Variants in PLCB1 observed in about 807,000 individuals in gnomAD.
The protein encoded by PLCB1 is phospholipase C beta 1, also known as 1-phosphatidylinositol 4,5-bisphosphate phosphodiesterase beta-1.
In PLCB1, 46 loss-of-function variants were observed where a neutral mutation model predicts 161.8. That is an observed-to-expected ratio of 0.28 (90% CI 0.22 to 0.36). The LOEUF (loss-of-function observed/expected upper bound fraction) is 0.36. Ranked by LOEUF, PLCB1 falls within the 10% of genes least tolerant of loss-of-function variation. The pLI is 1.00. For synonymous variants in PLCB1, 517 were observed against 503.7 expected, an observed-to-expected ratio of 1.03 and a Z score of -0.35; for missense variants, 1,016 against 1,472.5, an observed-to-expected ratio of 0.69 and a Z score of 5.07.
chr20:8,490,914 A>C (rs1982921181), intron 3 of PLCB1, among the ~76,000 whole-genome samples: 1 of 151,266 alleles, frequency 6.6e-6, no homozygotes, highest in Non-Finnish European at 1.5e-5. Context: ...ATATGTGTAC[A>C]TATATATTAG....
At chr20:8,467,131 G>A (rs1981858299) in intron 3 of PLCB1, among the ~76,000 whole-genome samples, 1 of 151,872 alleles carries the variant, frequency 6.6e-6, no homozygotes, top group Non-Finnish European at 1.5e-5. Flanking sequence ...AGTAGAGATG[G>A]GGTTTCACTA....
chr20:8,292,272 T>G (rs1983418434), intron 2 of PLCB1, among the ~76,000 whole-genome samples: 5 of 152,118 alleles, frequency 3.3e-5, no homozygotes, highest in Admixed American at 3.3e-4. Flanking sequence ...AGTTGATTCC[T>G]TTCTAGTTAC....
At chr20:8,537,921 A>T (rs923597427) in intron 3 of PLCB1, among the ~76,000 whole-genome samples, 1 of 152,250 alleles carries the variant, frequency 6.6e-6, no homozygotes, top group African/African-American at 2.4e-5. Context: ...GTCCCGAGCT[A>T]AAAAGACTAC....
At chr20:8,334,086 G>A (rs553076513) in intron 2 of PLCB1, among the ~76,000 whole-genome samples, 21 of 152,262 alleles carry the variant, frequency 1.4e-4, no homozygotes, top group African/African-American at 4.6e-4. Flanking sequence ...GTGCATGCCT[G>A]TAATCCCAGC....
At chr20:8,350,015 T>C (rs562962644) in intron 2 of PLCB1, among the ~76,000 whole-genome samples, 2 of 152,310 alleles carry the variant, frequency 1.3e-5, no homozygotes, top group Non-Finnish European at 2.9e-5. Flanking sequence ...CAAGATGCAA[T>C]ATCAATGTAC....
At chr20:8,742,852 G>A (rs1005498717) in intron 23 of PLCB1, among the ~76,000 whole-genome samples, 8 of 152,066 alleles carry the variant, frequency 5.3e-5, no homozygotes, top group African/African-American at 9.7e-5. Context: ...TATATGTTAC[G>A]GGGTGCATTT....
chr20:8,436,386 A>G (rs1257015949), intron 3 of PLCB1, among the ~76,000 whole-genome samples: 1 of 151,838 alleles, frequency 6.6e-6, no homozygotes, highest in Non-Finnish European at 1.5e-5. Context: ...TATTTTGAGC[A>G]ATGACTATTT....
chr20:8,374,038 T>C (rs139805116), intron 3 of PLCB1, among the ~76,000 whole-genome samples: 9 of 152,308 alleles, frequency 5.9e-5, no homozygotes, highest in African/African-American at 2.2e-4. Context: ...TGCCTCTTTT[T>C]TTCATCAGTA....
At chr20:8,261,129 G>T (rs1288782026) in intron 2 of PLCB1, among the ~76,000 whole-genome samples, 2 of 152,050 alleles carry the variant, frequency 1.3e-5, no homozygotes, top group Non-Finnish European at 2.9e-5. Context: ...TGCTTCTCTT[G>T]ATCTTTTAGA....
intron 18 of PLCB1, among the ~76,000 whole-genome samples, chr20:8,732,906 T>C (rs1361704433): frequency 2.0e-5 from 3 of 147,622 alleles, no homozygotes; most frequent in Non-Finnish European, 4.5e-5. Flanking sequence ...ATTATACAAA[T>C]ATATTATTCT....
intron 1 of PLCB1, among the ~76,000 whole-genome samples, chr20:8,149,208 C>A (rs1044657548): frequency 6.6e-6 from 1 of 151,868 alleles, no homozygotes; most frequent in Non-Finnish European, 1.5e-5. Flanking sequence ...GATGCTTTAC[C>A]CCAAATTATC....
At chr20:8,725,287 A>G (rs1052508155) in intron 16 of PLCB1, among the ~76,000 whole-genome samples, 1 of 152,172 alleles carries the variant, frequency 6.6e-6, no homozygotes, top group African/African-American at 2.4e-5. Flanking sequence ...TTATTCAACT[A>G]TACATCCATA....
intron 2 of PLCB1, among the ~76,000 whole-genome samples, chr20:8,211,789 A>C (rs998748914): frequency 2.0e-5 from 3 of 152,114 alleles, no homozygotes; most frequent in African/African-American, 7.2e-5. Context: ...AGATTGCAAA[A>C]TCTCCCAGTG....
intron 3 of PLCB1, among the ~76,000 whole-genome samples, chr20:8,379,511 C>T (rs1987198309): frequency 6.6e-6 from 1 of 152,156 alleles, no homozygotes; most frequent in South Asian, 2.1e-4. Context: ...GTTCTAGATC[C>T]ATGAGGAATC....
chr20:8,218,977 A>G (rs1194047565), intron 2 of PLCB1, among the ~76,000 whole-genome samples: 1 of 152,196 alleles, frequency 6.6e-6, no homozygotes, highest in Non-Finnish European at 1.5e-5. Context: ...GATTTCCAGG[A>G]CTGTGACTGC....
At chr20:8,602,781 G>A (rs1987631456) in intron 3 of PLCB1, among the ~76,000 whole-genome samples, 3 of 152,170 alleles carry the variant, frequency 2.0e-5, no homozygotes, top group Admixed American at 2.0e-4. Context: ...AATTTCTGTG[G>A]CTTATGAAAG....
chr20:8,278,977 T>TAAAAAAAA (rs1568615549), intron 2 of PLCB1, among the ~76,000 whole-genome samples: 29 of 148,470 alleles, frequency 2.0e-4, no homozygotes, highest in African/African-American at 6.8e-4. Flanking sequence ...ACAGTGTTTT[T>TAAAAAAAA]TAAAAAAAAA....
At chr20:8,452,701 T>G (rs867850571) in intron 3 of PLCB1, among the ~76,000 whole-genome samples, 2 of 152,262 alleles carry the variant, frequency 1.3e-5, no homozygotes, top group South Asian at 2.1e-4. Context: ...TCCAAAGAGA[T>G]GAGTACAGAA....
chr20:8,366,495 C>T (rs1986714876), intron 2 of PLCB1, among the ~76,000 whole-genome samples: 1 of 152,188 alleles, frequency 6.6e-6, no homozygotes, highest in Non-Finnish European at 1.5e-5. Flanking sequence ...TTATGTTAAA[C>T]ACTGTACAAA....
Sources: allele counts gnomAD v4.1 joint callset (sites outside exome capture counted in the v4.1 genomes callset), GRCh38; gene constraint gnomAD v4.1.1; transcripts MANE v1.5; gene names NCBI Gene and HGNC (gene_info 2026-07-23, HGNC 2026-07-21).